The following NRXN3 variants were observed in gnomAD, a reference collection of about 807,000 sequenced individuals.
NRXN3 encodes neurexin 3.
Under a neutral mutation model 137.6 loss-of-function variants are expected in NRXN3, and 32 were observed. That is an observed-to-expected ratio of 0.23 (90% CI 0.18 to 0.31). NRXN3 has a LOEUF of 0.31. Among genes scored for constraint, NRXN3 ranks in the 10% least tolerant of loss-of-function variants. The probability of loss-of-function intolerance (pLI) is 1.00; values close to 1 mark genes in which losing one functional copy is unlikely to be tolerated. For missense variants in NRXN3, 1,574 were observed against 2,062.5 expected, an observed-to-expected ratio of 0.76 and a Z score of 4.59; for synonymous variants, 798 against 784.5, an observed-to-expected ratio of 1.02 and a Z score of -0.29.
chr14:78,646,987 G>C (rs144357941), intron 5 of NRXN3, among the ~76,000 whole-genome samples: 2 of 152,076 alleles, frequency 1.3e-5, no homozygotes, highest in African/African-American at 4.8e-5. Context: ...AAAATAACAC[G>C]CTTTAGGCAT....
intron 17 of NRXN3, among the ~76,000 whole-genome samples, chr14:79,670,232 C>A (rs1209466553): frequency 6.6e-6 from 1 of 152,024 alleles, no homozygotes; most frequent in Non-Finnish European, 1.5e-5. Flanking sequence ...AAACGATGGG[C>A]ATTTGCCTTC....
At chr14:79,460,712 A>G (rs2096324047) in intron 15 of NRXN3, among the ~76,000 whole-genome samples, 1 of 152,190 alleles carries the variant, frequency 6.6e-6, no homozygotes, top group East Asian at 1.9e-4. Context: ...ACAGAGAGAA[A>G]TAGATTGCCC....
intron 10 of NRXN3, among the ~76,000 whole-genome samples, chr14:78,939,651 C>T (rs201964567): frequency 1.3e-5 from 2 of 152,146 alleles, no homozygotes; most frequent in East Asian, 1.9e-4. Context: ...ATGTATCAAC[C>T]AGAGCAAATG....
intron 2 of NRXN3, among the ~76,000 whole-genome samples, chr14:78,259,778 C>T (rs2070372648): frequency 6.6e-6 from 1 of 152,142 alleles, no homozygotes; most frequent in African/African-American, 2.4e-5. Context: ...GCTCTGAATG[C>T]TTGCTGTGCA....
intron 15 of NRXN3, among the ~76,000 whole-genome samples, chr14:79,274,532 T>G (rs950886081): frequency 5.3e-5 from 8 of 151,456 alleles, no homozygotes; most frequent in Non-Finnish European, 4.4e-5. Flanking sequence ...AGATCTGATA[T>G]CCAATCTAAG....
intron 15 of NRXN3, among the ~76,000 whole-genome samples, chr14:79,387,556 G>A (rs546563993): frequency 1.4e-3 from 208 of 152,144 alleles, no homozygotes; most frequent in African/African-American, 4.9e-3. Context: ...GATTCCTCAG[G>A]GATCTAGAAC....
At chr14:79,802,408 AG>A (rs2099185455) in intron 19 of NRXN3, among the ~76,000 whole-genome samples, 1 of 152,104 alleles carries the variant, frequency 6.6e-6, no homozygotes. Context: ...TTTTCAGATA[AG>A]TTTTCCCCCT....
chr14:78,892,668 G>T (rs1044691680), intron 10 of NRXN3, among the ~76,000 whole-genome samples: 1 of 150,320 alleles, frequency 6.7e-6, no homozygotes, highest in Non-Finnish European at 1.5e-5. Context: ...TCACCATTAA[G>T]AATTATCTAT....
chr14:79,423,055 G>C (rs1184325305), intron 15 of NRXN3, among the ~76,000 whole-genome samples: 1 of 152,140 alleles, frequency 6.6e-6, no homozygotes, highest in Non-Finnish European at 1.5e-5. Context: ...ATGGTATGGA[G>C]AAGGGCTTTT....
intron 1 of NRXN3, among the ~76,000 whole-genome samples, chr14:78,206,880 T>A (rs1041914079): frequency 3.3e-5 from 5 of 152,270 alleles, no homozygotes; most frequent in Admixed American, 6.5e-5. Context: ...TGTTTGTTTT[T>A]TGAGATGGAG....
At chr14:78,425,789 G>T (rs140599068) in intron 4 of NRXN3, among the ~76,000 whole-genome samples, 1 of 152,092 alleles carries the variant, frequency 6.6e-6, no homozygotes, top group Non-Finnish European at 1.5e-5. Flanking sequence ...ACCACAGTTC[G>T]TGGCATTTTC....
rs182035785 is a variant in NRXN3 at position 79,697,268 on chromosome 14, G to C, written c.3707-362G>C. ...CTTCGTAGCTTTAAACATTAATGCA[G>C]TAGGTATCCGTAATTTATTCTGGTC... On this transcript the variant is annotated intron_variant, in intron 18 of 20. Coordinates refer to ENST00000335750, the MANE Select transcript of NRXN3 (RefSeq NM_001330195.2). 5.9e-5 allele frequency among the ~76,000 whole-genome samples: 9 copies of C among 151,898 alleles called. No individual in the cohort carries two copies. The South Asian group carries it at 6.2e-4, about 10-fold the overall frequency.
chr14:78,845,905 G>GTGTGTGT (rs2099025359), intron 10 of NRXN3, among the ~76,000 whole-genome samples: 2 of 146,236 alleles, frequency 1.4e-5, no homozygotes, highest in Admixed American at 1.4e-4. Flanking sequence ...AGTATGTTGG[G>GTGTGTGT]GTGTGTGTGT....
At chr14:79,295,798 C>T (rs112525985) in intron 15 of NRXN3, among the ~76,000 whole-genome samples, 3 of 152,280 alleles carry the variant, frequency 2.0e-5, no homozygotes, top group East Asian at 1.9e-4. Flanking sequence ...TAATTTTTCA[C>T]GTTGCAGCTG....
intron 15 of NRXN3, among the ~76,000 whole-genome samples, chr14:79,091,470 C>G (rs934620200): frequency 6.6e-6 from 1 of 152,086 alleles, no homozygotes; most frequent in African/African-American, 2.4e-5. Flanking sequence ...TTTTTCCCAC[C>G]CCTTTCCCTA....
chr14:78,512,822 A>G (rs2096134003), intron 4 of NRXN3, among the ~76,000 whole-genome samples: 1 of 152,186 alleles, frequency 6.6e-6, no homozygotes, highest in South Asian at 2.1e-4. Context: ...AAGAGTTTGA[A>G]GCTGTGATCT....
intron 4 of NRXN3, among the ~76,000 whole-genome samples, chr14:78,482,539 C>T (rs763600639): frequency 3.3e-5 from 5 of 152,136 alleles, no homozygotes; most frequent in Non-Finnish European, 5.9e-5. Context: ...ATTATAAGAC[C>T]TCAATAAATA....
chr14:79,183,590 G>T (rs17108836), intron 15 of NRXN3, among the ~76,000 whole-genome samples: 5,468 of 152,192 alleles, frequency 0.036, 246 homozygotes, highest in East Asian at 0.22. Context: ...GTGTTCAAAA[G>T]GTAAAACCTT....
At position 79,861,497 on chromosome 14, in the gene NRXN3, T is replaced by C. The variant is rs1407434800; in HGVS notation, c.4249T>C (p.Ser1417Pro). ...GCTGATCCGCTTCACAGCTTCCTCC[T>C]CGTCTGGGATGGTGCCCAAATTGCC... The part of the protein sequence containing the change: ...PELIRFTASS[S>P]SGMVPKLPAG... The change falls in exon 21 of 21, where the codon TCG becomes CCG. Residue 1417 changes from serine (S) to proline (P), a missense_variant. By Grantham distance (74) the Ser-to-Pro change is moderately conservative. Around this residue, in one of 5 missense-constraint regions of NRXN3, gnomAD observed 320 missense variants for 387.1 expected, o/e 0.83. Coordinates refer to ENST00000335750, the MANE Select transcript of NRXN3 (RefSeq NM_001330195.2). This position sits in a 1 kb window ranked among gnomAD's most constrained non-coding sequence, Gnocchi z 5.4. The C allele has an allele frequency of 6.5e-7, 1 of 1,538,960 alleles. No homozygotes were observed. Among genetic ancestry groups the C allele is most frequent in the Non-Finnish European group, 8.7e-7 (1 of 1,147,210 alleles).
Sources: gnomAD v4.1 joint callset for allele counts (sites outside exome capture counted in the v4.1 genomes callset) on GRCh38, gnomAD v4.1.1 for gene constraint, gnomAD v4.1.1 regional missense constraint, Gnocchi (gnomAD v3.1) non-coding constraint, MANE v1.5 for transcripts, NCBI Gene and HGNC (gene_info 2026-07-23, HGNC 2026-07-21) for gene names.